Variants in PSMA1 observed in about 807,000 individuals in gnomAD.
PSMA1 encodes proteasome 20S subunit alpha 1, also known as proteasome subunit alpha type-1.
PSMA1 carries 3 observed loss-of-function variants against 38.4 expected under a neutral mutation model. The ratio of observed to expected loss-of-function variants is 0.08; its 90% CI spans 0.04 to 0.20. The LOEUF (loss-of-function observed/expected upper bound fraction) is 0.20. Ranked by LOEUF, PSMA1 falls within the 10% of genes least tolerant of loss-of-function variation. The probability of loss-of-function intolerance (pLI) is 1.00; values close to 1 mark genes in which losing one functional copy is unlikely to be tolerated. For synonymous variants in PSMA1, 101 were observed against 107.1 expected, an observed-to-expected ratio of 0.94 and a Z score of 0.35; for missense variants, 227 against 325.3, an observed-to-expected ratio of 0.70 and a Z score of 2.32.
intron 2 of PSMA1, among the ~76,000 whole-genome samples, chr11:14,609,560 A>G (rs531250788): frequency 6.8e-4 from 104 of 152,356 alleles, no homozygotes; most frequent in African/African-American, 2.4e-3. Context: ...TAGGAGAGCC[A>G]GGGAGACTAT....
chr11:14,509,737 C>T (rs1356717463), intron 8 of PSMA1, among the ~76,000 whole-genome samples: 16 of 114,784 alleles, frequency 1.4e-4, no homozygotes, highest in African/African-American at 4.2e-4. Context: ...TTTTTTGAGA[C>T]GGAGTCTCGC....
upstream of PSMA1, among the ~76,000 whole-genome samples, chr11:14,522,340 CAT>C (rs1275245108): frequency 6.6e-6 from 1 of 152,128 alleles, no homozygotes; most frequent in Non-Finnish European, 1.5e-5. Context: ...TATTCTTGTA[CAT>C]ACACACCTAT....
chr11:14,590,819 ATCT>A (rs1852404843), intron 2 of PSMA1, among the ~76,000 whole-genome samples: 1 of 152,220 alleles, frequency 6.6e-6, no homozygotes, highest in Non-Finnish European at 1.5e-5. Flanking sequence ...CATACTTCAC[ATCT>A]TCTCTCACAG....
Position 14,637,208 on chromosome 11 carries a change from T to A in PSMA1, c.-166+6247A>T, listed in dbSNP as rs901083706. Among the ~76,000 whole-genome samples the A allele has an allele frequency of 5.3e-5, 8 of 152,294 alleles. No individual in the cohort carries two copies. The East Asian group carries it at 1.5e-3, about 29-fold the overall frequency. On this transcript the variant is annotated intron_variant, in intron 1 of 10. Coordinates refer to the PSMA1 transcript ENST00000418988. ...CAAATCATACCAATCTGTTTAAAGT[T>A]CCAGAAATGCCCATGATGTCTCATG...
chr11:14,513,834 G>A lies in PSMA1; in HGVS notation c.397C>T (p.Leu133Phe). The change falls in exon 6 of 10, where the codon CTT (leucine) becomes TTT (phenylalanine). Residue 133 changes from leucine to phenylalanine, a missense_variant. Transcript: ENST00000396394. Reference protein sequence around the residue: ...YGRRPYGVGLLIAGYDDMGPH... With the variant: ...YGRRPYGVGLFIAGYDDMGPH... ...GAACTTACATCATAACCAGCAATAAGGAGACCAACACCATATGGTCTCCGG... is the reference window on the plus strand; with the variant it reads ...GAACTTACATCATAACCAGCAATAAAGAGACCAACACCATATGGTCTCCGG... 1 of 1,597,210 alleles carries A rather than the reference G, an allele frequency of 6.3e-7. No individual in the cohort carries two copies. The highest frequency in any genetic ancestry group is 8.5e-7 in the Non-Finnish European group (1 of 1,174,900).
intron 2 of PSMA1, among the ~76,000 whole-genome samples, chr11:14,531,444 G>T (rs1851646701): frequency 6.6e-6 from 1 of 152,150 alleles, no homozygotes; most frequent in Non-Finnish European, 1.5e-5. Flanking sequence ...CCATGTTACT[G>T]CAAAGGACAT....
chr11:14,592,940 A>C (rs1223975634), intron 2 of PSMA1, among the ~76,000 whole-genome samples: 1 of 151,962 alleles, frequency 6.6e-6, no homozygotes, highest in East Asian at 1.9e-4. Context: ...TACTTTTCTC[A>C]TATTACTTGT....
At position 14,579,509 on chromosome 11, in the gene PSMA1, T is replaced by TTTC. The variant is rs746024063; in HGVS notation, c.21+31456_21+31457insGAA. 8.8e-5 allele frequency among the ~76,000 whole-genome samples: 11 copies of TTTC among 125,426 alleles called. 2 individuals carry two copies. Among genetic ancestry groups the TTTC allele is most frequent in the Non-Finnish European group, 1.3e-4 (8 of 60,154 alleles). The allele number at this position is 125,426 out of a possible 152,430, so 82.3% of individuals were successfully genotyped here. ...GACTTTTTTTTTTTTTTTTTTTTTT[T>TTTC]AAATAAGGTAACATTAACAGGGGCC... On this transcript the variant is annotated intron_variant, in intron 2 of 10. Coordinates refer to the PSMA1 transcript ENST00000418988.
chr11:14,616,399 T>C, intron 1 of PSMA1, among the ~76,000 whole-genome samples: 1 of 151,936 alleles, frequency 6.6e-6, no homozygotes, highest in Non-Finnish European at 1.5e-5. Flanking sequence ...GCCCGGCTAA[T>C]TTTTATACTT....
intron 1 of PSMA1, among the ~76,000 whole-genome samples, chr11:14,613,558 T>C (rs1462636030): frequency 6.6e-6 from 1 of 152,098 alleles, no homozygotes; most frequent in Non-Finnish European, 1.5e-5. Context: ...CAGCCAAAAA[T>C]CAACTGGTTC....
In PSMA1 at chr11:14,507,621, ATAGAACTAAAGCCTCTTG is replaced by A. The variant is rs1431692804; in HGVS notation, c.735+17_735+34del. On this transcript the variant is annotated intron_variant, in intron 9 of 9. Transcript: ENST00000396394. Reference sequence around the variant, plus strand: ...GTTGTGGTAAGAACAGCAGCTTACAATAGAACTAAAGCCTCTTGTGTTATGATTATATACCTGTGCCTT... The same window carrying A: ...GTTGTGGTAAGAACAGCAGCTTACAATGTTATGATTATATACCTGTGCCTT... The A allele has an allele frequency of 7.1e-7, 1 of 1,413,388 alleles. No individual in the cohort carries two copies. The highest frequency in any genetic ancestry group is 1.0e-6 in the Non-Finnish European group (1 of 1,003,458). The allele number at this position is 1,413,388 out of a possible 1,614,324, so 87.6% of individuals were successfully genotyped here. A position where few individuals can be genotyped will look rare whatever the true frequency, so the allele number is the denominator to read the frequency against.
Position 14,520,327 on chromosome 11 carries a change from T to C in PSMA1, c.-28A>G. On this transcript the variant is annotated 5_prime_UTR_variant, in exon 1 of 10. Transcript: ENST00000396394. ...TGGCGGCGCGGGCCTGGTTGCGGCCTCCAGCAAAACTGAGAATCAAGGAGG... is the reference window on the plus strand; with the variant it reads ...TGGCGGCGCGGGCCTGGTTGCGGCCCCCAGCAAAACTGAGAATCAAGGAGG... 1 of 1,614,206 alleles carries C rather than the reference T, an allele frequency of 6.2e-7. No individual in the cohort carries two copies. The highest frequency in any genetic ancestry group is 8.5e-7 in the Non-Finnish European group (1 of 1,180,016).
At chr11:14,603,979 T>C (rs2134195124) in intron 2 of PSMA1, among the ~76,000 whole-genome samples, 1 of 152,360 alleles carries the variant, frequency 6.6e-6, no homozygotes, top group East Asian at 1.9e-4. Context: ...AGTTAGCATA[T>C]AGTCTTCTGT....
At position 14,627,184 on chromosome 11, in the gene PSMA1, C is replaced by A. The variant is rs549488997; in HGVS notation, c.-165-16033G>T. On this transcript the variant is annotated intron_variant, in intron 1 of 10. Transcript: ENST00000418988. ...GGCTCCATTTCCTAATACAGACACA[C>A]TGGGGTTAGGGTTTCAAAATTCAAA... Among the ~76,000 whole-genome samples, 4 of 152,302 alleles carry A rather than the reference C, an allele frequency of 2.6e-5. No homozygotes were observed. The South Asian group carries it at 8.3e-4, about 32-fold the overall frequency.
chr11:14,513,382 C>T, intron 7 of PSMA1, 188 bp downstream of exon 7: 1 of 570,288 alleles, frequency 1.8e-6, no homozygotes, highest in Non-Finnish European at 2.6e-6. Context: ...CTTGAAACTA[C>T]TGTGGTAACC....
chr11:14,521,827 T>C (rs1851535108), upstream of PSMA1, among the ~76,000 whole-genome samples: 1 of 151,048 alleles, frequency 6.6e-6, no homozygotes, highest in Non-Finnish European at 1.5e-5. Context: ...TACCAACATA[T>C]ACTCTCAACA....
At chr11:14,548,913 A>G (rs1185250578) in intron 2 of PSMA1, among the ~76,000 whole-genome samples, 1 of 152,218 alleles carries the variant, frequency 6.6e-6, no homozygotes, top group South Asian at 2.1e-4. Flanking sequence ...TAAATGTTAA[A>G]CTAAATTTCA....
chr11:14,579,052 A>G (rs1852251952), intron 2 of PSMA1, among the ~76,000 whole-genome samples: 1 of 152,344 alleles, frequency 6.6e-6, no homozygotes, highest in East Asian at 1.9e-4. Context: ...ACATCATGCT[A>G]TTATACAACA....
In PSMA1 at chr11:14,538,388, A is replaced by C. The variant is rs145938636; in HGVS notation, c.22-19347T>G. ...TCGATGAAGTCTAAAATCAAAAAGA[A>C]AAGCTGCTTCTGGCATTCTAGGCCT... On this transcript the variant is annotated intron_variant, in intron 2 of 10. Coordinates refer to the PSMA1 transcript ENST00000418988. 7.3e-3 allele frequency among the ~76,000 whole-genome samples: 1,114 copies of C among 152,326 alleles called. 8 individuals carry two copies. The highest frequency in any genetic ancestry group is 0.017 in the Middle Eastern group (5 of 294).
Sources: allele counts gnomAD v4.1 joint callset (sites outside exome capture counted in the v4.1 genomes callset), GRCh38; gene constraint gnomAD v4.1.1; transcripts MANE v1.5; gene names NCBI Gene and HGNC (gene_info 2026-07-23, HGNC 2026-07-21).